Variants in AXIN2 observed in about 807,000 individuals in gnomAD.
AXIN2 encodes the protein axin-2.
A neutral mutation model predicts 74.7 loss-of-function variants in AXIN2; 21 were observed. The ratio of observed to expected loss-of-function variants is 0.28; its 90% CI spans 0.20 to 0.40. The LOEUF (loss-of-function observed/expected upper bound fraction) is 0.40. Ranked by LOEUF, AXIN2 falls within the 10% of genes least tolerant of loss-of-function variation. The pLI is 1.00. For missense variants in AXIN2, 1,144 were observed against 1,111.1 expected (o/e 1.03, Z -0.42); for synonymous variants, 532 against 454.9 (o/e 1.17, Z -2.16).
intron 2 of AXIN2, among the ~76,000 whole-genome samples, chr17:65,555,801 T>C (rs2044259063): frequency 6.6e-6 from 1 of 152,128 alleles, no homozygotes; most frequent in Non-Finnish European, 1.5e-5. Context: ...CTCGAATATC[T>C]TGCACGTTAA....
At chr17:65,557,681 A>G (rs2044288020) in intron 2 of AXIN2, 125 bp downstream of exon 2, 5 of 979,358 alleles carry the variant, frequency 5.1e-6, no homozygotes, top group Admixed American at 2.3e-5. Flanking sequence ...AAAAGGGTTC[A>G]TGGCCAGCAG....
In AXIN2 at chr17:65,538,306, T is replaced by C. The variant is rs764414708; in HGVS notation, c.1097A>G (p.Glu366Gly). ...CAGCTCAGCTGCAAAGGTGGCGGGT[T>C]CCACGGGGGTCATCTCCTTGGGCAG... ...HRLPKEMTPV[E>G]PATFAAELIS... The change falls in exon 5 of 11, where the codon GAA (glutamate) becomes GGA (glycine). Residue 366 changes from glutamate (E) to glycine (G), a missense_variant. By Grantham distance (98) the Glu-to-Gly change is moderately conservative. Transcript: ENST00000307078. The C allele has an allele frequency of 6.2e-7, 1 of 1,614,078 alleles. No homozygotes were observed. The highest frequency in any genetic ancestry group is 8.5e-7 in the Non-Finnish European group (1 of 1,179,968).
At chr17:65,536,637 G>T in intron 7 of AXIN2, 84 bp from the exon 8 acceptor site, 1 of 1,496,648 alleles carries the variant, frequency 6.7e-7, no homozygotes, top group Non-Finnish European at 9.3e-7. Context: ...ATAGAAACTT[G>T]TCTATTCTGC....
Position 65,529,849 on chromosome 17 carries a change from T to G in AXIN2, c.*127A>C. The G allele has an allele frequency of 2.6e-6, 4 of 1,546,036 alleles. No individual in the cohort carries two copies. The highest frequency in any genetic ancestry group is 1.2e-5 in the South Asian group (1 of 86,320). Reference sequence around the variant, plus strand: ...CTCCCGAAGGCCCACTGGCCGATTCTTCCTTAGACTTTGTCTTCTTCATTG... The same window carrying G: ...CTCCCGAAGGCCCACTGGCCGATTCGTCCTTAGACTTTGTCTTCTTCATTG... On this transcript the variant is annotated 3_prime_UTR_variant, in exon 11 of 11. Coordinates refer to ENST00000307078, the MANE Select transcript of AXIN2 (RefSeq NM_004655.4).
rs377423720 is a variant in AXIN2, at chr17:65,533,908, T to G, written c.2405+4A>C. ...AGAGCAGAAAAAAGCCACAGGACTCTTACCTATAATTTCCCTTTTTGCTGA... is the reference window on the plus strand; with the variant it reads ...AGAGCAGAAAAAAGCCACAGGACTCGTACCTATAATTTCCCTTTTTGCTGA... On this transcript the variant is annotated splice_donor_region_variant and intron_variant, in intron 10 of 10. Transcript: ENST00000307078. 60 of 1,581,852 alleles carry G rather than the reference T, an allele frequency of 3.8e-5. No homozygotes were observed. Among genetic ancestry groups the G allele is most frequent in the Non-Finnish European group, 4.4e-5 (51 of 1,158,756 alleles).
chr17:65,551,863 A>G (rs1432067974), intron 2 of AXIN2, among the ~76,000 whole-genome samples: 1 of 152,200 alleles, frequency 6.6e-6, no homozygotes, highest in Non-Finnish European at 1.5e-5. Flanking sequence ...GTCCGACTGC[A>G]TCAAGTCAGA....
chr17:65,553,791 ATAATT>A (rs2144561091), intron 2 of AXIN2, among the ~76,000 whole-genome samples: 1 of 146,450 alleles, frequency 6.8e-6, no homozygotes, highest in Admixed American at 6.9e-5. Context: ...AAAGTGCCAC[ATAATT>A]TTAAGAAAAC....
chr17:65,555,195 T>C (rs893347080), intron 2 of AXIN2, among the ~76,000 whole-genome samples: 1 of 152,196 alleles, frequency 6.6e-6, no homozygotes, highest in African/African-American at 2.4e-5. Context: ...GCCCCAGGCA[T>C]CCGGCTGCCA....
rs1048485136 is a variant in AXIN2, at chr17:65,561,595, T to G, written c.-262A>C. ...CAAAGCGCAGCCGGCTCCAGCCGAC[T>G]CCCCCGGGCCAGGCTCGCGGAGCCA... On this transcript the variant is annotated 5_prime_UTR_variant, in exon 1 of 11. Transcript: ENST00000307078. 1 of 150,758 alleles carries G rather than the reference T, an allele frequency of 6.6e-6. No individual in the cohort carries two copies. The highest frequency in any genetic ancestry group is 2.0e-4 in the East Asian group (1 of 5,008). The allele number at this position is 150,758 out of a possible 1,614,324, so 9.3% of individuals were successfully genotyped here. A position where few individuals can be genotyped will look rare whatever the true frequency, so the allele number is the denominator to read the frequency against.
rs1157452251 is a variant in AXIN2, at chr17:65,538,208, G to C, written c.1195C>G (p.Arg399Gly). 1 of 1,614,212 alleles carries C rather than the reference G, an allele frequency of 6.2e-7. No homozygotes were observed. Among genetic ancestry groups the C allele is most frequent in the Non-Finnish European group, 8.5e-7 (1 of 1,180,050 alleles). ...GAAGGCCTAGGCCGCATTACCTCTC[G>C]GATCTGCTGCAGGCGCTCCTCCAGG... ...HSLEERLQQI[R>G]EDEEREGSEL... The change falls in exon 5 of 11, where the codon CGA becomes GGA. Residue 399 changes from arginine (R) to glycine (G), a missense_variant. Around this residue, in one of 4 missense-constraint regions of AXIN2, gnomAD observed 1,053 missense variants for 973.5 expected, o/e 1.08. Transcript: ENST00000307078.
chr17:65,537,716 G>A lies in AXIN2; in HGVS notation c.1320C>T (p.Asp440=), dbSNP rs376935084. 6.4e-6 allele frequency: 10 copies of A among 1,559,586 alleles called. No individual in the cohort carries two copies. The highest frequency in any genetic ancestry group is 1.4e-5 in the African/African-American group (1 of 73,624). Residue 440 remains aspartate, a synonymous_variant, in exon 6 of 11, where the codon GAC becomes GAT. Transcript: ENST00000307078. ...TCTTGAGGACCCTGGACAGGTGATC[G>A]TCCAGTATCGTCTGCGGGTCTTCCT... ...SYEEDPQTIL[D]DHLSRVLKTP... is the part of the protein sequence containing the mutation.
Position 65,545,446 on chromosome 17 carries a change from T to C in AXIN2, c.957-3889A>G, listed in dbSNP as rs552324121. On this transcript the variant is annotated intron_variant, in intron 3 of 10. Coordinates refer to ENST00000307078, the MANE Select transcript of AXIN2 (RefSeq NM_004655.4). ...GGCTCACGCCTGTAATCCCACCACT[T>C]TAGGAGGCCGAGGTGGGTGGGTCAC... Among the ~76,000 whole-genome samples, 197 of 152,288 alleles carry C rather than the reference T, an allele frequency of 1.3e-3. 2 individuals are homozygous for C. Among genetic ancestry groups the C allele is most frequent in the African/African-American group, 4.3e-3 (177 of 41,546 alleles).
intron 3 of AXIN2, among the ~76,000 whole-genome samples, chr17:65,547,970 G>A (rs1489885220): frequency 1.3e-5 from 2 of 152,164 alleles, no homozygotes; most frequent in Non-Finnish European, 2.9e-5. Flanking sequence ...GATAAATTAT[G>A]CCCTGTCTAA....
At chr17:65,537,902 C>T in intron 5 of AXIN2, 67 bp from the exon 6 acceptor site, 1 of 1,484,242 alleles carries the variant, frequency 6.7e-7, no homozygotes, top group East Asian at 2.4e-5. Flanking sequence ...CCTGGGGTTG[C>T]AACATTCGGC....
rs878854729 is a variant in AXIN2, at chr17:65,558,370, G to C, written c.251C>G (p.Ser84Cys). The C allele has an allele frequency of 6.2e-7, 1 of 1,612,852 alleles. No individual in the cohort carries two copies. Among genetic ancestry groups the C allele is most frequent in the African/African-American group, 1.3e-5 (1 of 75,002 alleles). The change falls in exon 2 of 11, where the codon TCC (serine) becomes TGC (cysteine). Residue 84 changes from serine (S) to cysteine (C), a missense_variant. Ser to Cys is a moderately radical substitution (Grantham distance 112). Around this residue, in one of 4 missense-constraint regions of AXIN2, gnomAD observed 1,053 missense variants for 973.5 expected, o/e 1.08. Coordinates refer to ENST00000307078, the MANE Select transcript of AXIN2 (RefSeq NM_004655.4). ...AGCACCGTCTTGATCGCCCAATAAG[G>C]AGTGTAAGGACTTGGTCCACCGGGT... is the stretch of plus-strand genomic sequence containing the variant. ...PLTRWTKSLH[S>C]LLGDQDGAYL... is the part of the protein sequence containing the mutation.
chr17:65,537,871 G>A (rs751354663), intron 5 of AXIN2, 36 bp from the exon 6 acceptor site: 3 of 1,510,932 alleles, frequency 2.0e-6, no homozygotes, highest in Non-Finnish European at 2.7e-6. Flanking sequence ...AAGTGACCCA[G>A]GAAGCAGAAG....
Position 65,537,470 on chromosome 17 carries a change from ATGG to A in AXIN2, c.1563_1565del (p.His522del). 6.2e-7 allele frequency: 1 copy of A among 1,613,668 alleles called. No individual in the cohort carries two copies. Among genetic ancestry groups the A allele is most frequent in the Non-Finnish European group, 8.5e-7 (1 of 1,179,940 alleles). ...TCTCCTCCTTGGTCTTGGGGACGGCATGGTGGTGGATGTAGTGGTGGTGGACAT... is the reference window on the plus strand; with the variant it reads ...TCTCCTCCTTGGTCTTGGGGACGGCATGGTGGATGTAGTGGTGGTGGACAT... On this transcript the variant is annotated inframe_deletion, in exon 6 of 11. Coordinates refer to ENST00000307078, the MANE Select transcript of AXIN2 (RefSeq NM_004655.4).
intron 9 of AXIN2, among the ~76,000 whole-genome samples, chr17:65,535,362 T>C (rs1166766640): frequency 1.3e-5 from 2 of 152,184 alleles, no homozygotes; most frequent in Non-Finnish European, 2.9e-5. Flanking sequence ...TCCAGCTGAA[T>C]TTGAGGTCCC....
At position 65,537,429 on chromosome 17, in the gene AXIN2, G is replaced by A. The variant is rs750084404; in HGVS notation, c.1607C>T (p.Thr536Met). Residue 536 changes from threonine (T) to methionine (M), a missense_variant, in exon 6 of 11, where the codon ACG becomes ATG. Physicochemically the swap from Thr to Met is moderately conservative, Grantham distance 81. Around this residue, in one of 4 missense-constraint regions of AXIN2, gnomAD observed 1,053 missense variants for 973.5 expected, o/e 1.08. Coordinates refer to ENST00000307078, the MANE Select transcript of AXIN2 (RefSeq NM_004655.4). ...KTKEEIEAEATQRVHCFCPGG... is the reference protein window; with the variant it reads ...KTKEEIEAEAMQRVHCFCPGG... The stretch of plus-strand genomic sequence containing the variant: ...AGGGCAGAAGCAGTGCACCCGCTGC[G>A]TGGCCTCCGCCTCGATCTCCTCCTT... 4 of 1,614,050 alleles carry A rather than the reference G, an allele frequency of 2.5e-6. No individual in the cohort carries two copies. The Admixed American group carries it at 5.0e-5, about 20-fold the overall frequency.
Sources: gnomAD v4.1 joint callset for allele counts (sites outside exome capture counted in the v4.1 genomes callset) on GRCh38, gnomAD v4.1.1 for gene constraint, gnomAD v4.1.1 regional missense constraint, MANE v1.5 for transcripts, NCBI Gene and HGNC (gene_info 2026-07-23, HGNC 2026-07-21) for gene names.